Variants in KCTD8 observed in about 807,000 individuals in gnomAD.
KCTD8 encodes BTB/POZ domain-containing protein KCTD8.
In KCTD8, 27 loss-of-function variants were observed where a neutral mutation model predicts 31.5. That is an observed-to-expected ratio of 0.86 (90% CI 0.63 to 1.18). The LOEUF is 1.18. Ranked by LOEUF, KCTD8 falls within the 50% of genes most tolerant of loss-of-function variation. KCTD8 has a pLI of 0.00. For missense variants in KCTD8, 658 were observed against 647.7 expected, an observed-to-expected ratio of 1.02 and a Z score of -0.17; for synonymous variants, 290 against 280.0, an observed-to-expected ratio of 1.04 and a Z score of -0.36.
rs1365445229 is a variant in KCTD8 at position 44,408,495 on chromosome 4, C to T, written c.961+39068G>A. On this transcript the variant is annotated intron_variant, in intron 1 of 1. Coordinates refer to ENST00000360029, the MANE Select transcript of KCTD8 (RefSeq NM_198353.3). ...AAAAAACAAAAACAAAAAAAATTCC[C>T]CTAAACAACATATCAACAAATAGCC... Among the ~76,000 whole-genome samples, 3 of 152,142 alleles carry T rather than the reference C, an allele frequency of 2.0e-5. No homozygotes were observed. The East Asian group carries it at 5.8e-4, about 29-fold the overall frequency.
At position 44,447,565 on chromosome 4, in the gene KCTD8, A is replaced by G. The variant is rs761800922; in HGVS notation, c.959T>C (p.Phe320Ser). The change falls in exon 1 of 2, where the codon TTC becomes TCC. Residue 320 changes from phenylalanine to serine, a missense_variant and splice_region_variant. Coordinates refer to ENST00000360029, the MANE Select transcript of KCTD8 (RefSeq NM_198353.3). ...IWSSYTEYIF[F>S]RPPQKIVSPK... ...AAACGCCGGGGCTGCGAACTTACGG[A>G]AGAAAATGTACTCGGTGTAGCTGCT... is the stretch of plus-strand genomic sequence containing the variant. 1.3e-6 allele frequency: 2 copies of G among 1,555,706 alleles called. No individual in the cohort carries two copies. Among genetic ancestry groups the G allele is most frequent in the Non-Finnish European group, 1.7e-6 (2 of 1,146,042 alleles).
At chr4:44,209,551 A>T (rs1480779364) in intron 1 of KCTD8, among the ~76,000 whole-genome samples, 1 of 151,642 alleles carries the variant, frequency 6.6e-6, no homozygotes, top group Non-Finnish European at 1.5e-5. Flanking sequence ...ACCCCCACCC[A>T]CATACACACA....
At chr4:44,319,935 G>C (rs889256965) in intron 1 of KCTD8, among the ~76,000 whole-genome samples, 1 of 151,944 alleles carries the variant, frequency 6.6e-6, no homozygotes, top group Non-Finnish European at 1.5e-5. Flanking sequence ...ACGTTGGGAG[G>C]CCAAGGCAGG....
At position 44,440,177 on chromosome 4, in the gene KCTD8, C is replaced by T. The variant is rs1413792183; in HGVS notation, c.961+7386G>A. ...TGAACTCCTGACCTCAGGTGATCCA[C>T]CCACCTCAGCCTCCCAAAGTGCTTG... On this transcript the variant is annotated intron_variant, in intron 1 of 1. Coordinates refer to ENST00000360029, the MANE Select transcript of KCTD8 (RefSeq NM_198353.3). Among the ~76,000 whole-genome samples, 10 of 152,168 alleles carry T rather than the reference C, an allele frequency of 6.6e-5. No homozygotes were observed. The South Asian group carries it at 1.0e-3, about 16-fold the overall frequency.
At chr4:44,419,299 G>A (rs760423601) in intron 1 of KCTD8, among the ~76,000 whole-genome samples, 1 of 152,140 alleles carries the variant, frequency 6.6e-6, no homozygotes, top group Non-Finnish European at 1.5e-5. Context: ...AGCAACTGAG[G>A]TCCCAAGAAC....
intron 1 of KCTD8, among the ~76,000 whole-genome samples, chr4:44,252,169 G>A (rs1007206419): frequency 1.3e-5 from 2 of 151,684 alleles, no homozygotes; most frequent in African/African-American, 2.4e-5. Flanking sequence ...TTTTACCCAG[G>A]TTGCTGTGAA....
At chr4:44,378,962 T>C (rs117019794) in intron 1 of KCTD8, among the ~76,000 whole-genome samples, 2 of 152,256 alleles carry the variant, frequency 1.3e-5, no homozygotes, top group East Asian at 3.9e-4. Context: ...AGGCCACTTA[T>C]ATTCCTTAGC....
chr4:44,272,649 A>G (rs1300003712), intron 1 of KCTD8, among the ~76,000 whole-genome samples: 1 of 152,082 alleles, frequency 6.6e-6, no homozygotes, highest in Non-Finnish European at 1.5e-5. Context: ...ATTAATGGTA[A>G]CAGAGGTTAT....
At chr4:44,223,349 A>C (rs1577838794) in intron 1 of KCTD8, among the ~76,000 whole-genome samples, 1 of 152,270 alleles carries the variant, frequency 6.6e-6, no homozygotes, top group South Asian at 2.1e-4. Context: ...ATACCTGGTA[A>C]CTTTGAGATA....
intron 1 of KCTD8, among the ~76,000 whole-genome samples, chr4:44,434,308 A>C (rs1721588479): frequency 6.6e-6 from 1 of 151,892 alleles, no homozygotes; most frequent in Non-Finnish European, 1.5e-5. Context: ...GTGAGCCTTG[A>C]CTTTGCAAAA....
At chr4:44,224,161 A>G (rs1486561276) in intron 1 of KCTD8, among the ~76,000 whole-genome samples, 1 of 152,196 alleles carries the variant, frequency 6.6e-6, no homozygotes, top group Non-Finnish European at 1.5e-5. Context: ...CTTTGAATAT[A>G]TAACATCCAA....
chr4:44,275,856 T>C (rs539330644), intron 1 of KCTD8, among the ~76,000 whole-genome samples: 1 of 151,934 alleles, frequency 6.6e-6, no homozygotes, highest in African/African-American at 2.4e-5. Context: ...GGGAAGAAAA[T>C]AGGAATGATG....
At chr4:44,182,169 G>C (rs549355041) in intron 1 of KCTD8, among the ~76,000 whole-genome samples, 8 of 150,816 alleles carry the variant, frequency 5.3e-5, no homozygotes, top group Admixed American at 2.6e-4. Context: ...AGAGGGAGGT[G>C]GGGGGGCGCC....
At chr4:44,321,904 C>T (rs186894157) in intron 1 of KCTD8, among the ~76,000 whole-genome samples, 1 of 150,962 alleles carries the variant, frequency 6.6e-6, no homozygotes, top group Admixed American at 6.5e-5. Context: ...ACCTCCAGCT[C>T]CATCCATGTT....
intron 1 of KCTD8, among the ~76,000 whole-genome samples, chr4:44,307,414 T>G (rs1013334752): frequency 1.3e-5 from 2 of 152,028 alleles, no homozygotes; most frequent in Non-Finnish European, 2.9e-5. Context: ...CATTCTCATA[T>G]TGTGAAATCA....
chr4:44,367,471 T>C (rs966153948), intron 1 of KCTD8, among the ~76,000 whole-genome samples: 2 of 152,170 alleles, frequency 1.3e-5, no homozygotes, highest in African/African-American at 4.8e-5. Context: ...ACATTTTACA[T>C]TATATTTACA....
intron 1 of KCTD8, among the ~76,000 whole-genome samples, chr4:44,243,050 T>C (rs1360355082): frequency 6.6e-6 from 1 of 152,076 alleles, no homozygotes; most frequent in Non-Finnish European, 1.5e-5. Flanking sequence ...TTGTCCAAAG[T>C]CACCAGTAGA....
chr4:44,442,145 A>G (rs2109484972), intron 1 of KCTD8, among the ~76,000 whole-genome samples: 1 of 151,014 alleles, frequency 6.6e-6, no homozygotes, highest in Admixed American at 6.7e-5. Flanking sequence ...TTTTATTGGC[A>G]CTTACTAGTG....
chr4:44,371,770 A>G (rs958104856), intron 1 of KCTD8, among the ~76,000 whole-genome samples: 1 of 152,196 alleles, frequency 6.6e-6, no homozygotes, highest in Non-Finnish European at 1.5e-5. Context: ...ATGAATCCCC[A>G]ACTCAGGTCA....
Sources: gnomAD v4.1 joint callset for allele counts (sites outside exome capture counted in the v4.1 genomes callset) on GRCh38, gnomAD v4.1.1 for gene constraint, MANE v1.5 for transcripts, NCBI Gene and HGNC (gene_info 2026-07-23, HGNC 2026-07-21) for gene names.